Variants in DRC11 observed in about 807,000 individuals in gnomAD.
The protein encoded by DRC11 is IQ and AAA domain-containing protein 1.
At chr2:236,442,818 G>A in the DRC11 span, among the ~76,000 whole-genome samples, 1 of 152,142 alleles carries the variant, frequency 6.6e-6, no homozygotes, top group Admixed American at 6.5e-5. Context: ...TTTCTGGAAG[G>A]TTCAAATTTT....
At chr2:236,331,716 G>A in the DRC11 span, 1 of 725,444 alleles carries the variant, frequency 1.4e-6, no homozygotes. The surrounding 1 kb of genome is among the most constrained non-coding windows in gnomAD (Gnocchi z 4.8). Flanking sequence ...GTCTACTCTA[G>A]CTTATTTGTA....
the DRC11 span, among the ~76,000 whole-genome samples, chr2:236,322,749 C>T: frequency 5.3e-5 from 8 of 152,338 alleles, no homozygotes; most frequent in East Asian, 7.7e-4. Flanking sequence ...GTTACTCTAA[C>T]GCCGTCCTGC....
At chr2:236,414,995 CTTT>C in the DRC11 span, among the ~76,000 whole-genome samples, 1 of 152,082 alleles carries the variant, frequency 6.6e-6, no homozygotes, top group South Asian at 2.1e-4. Context: ...GTTCTCATGA[CTTT>C]TTTTGCACTT....
the DRC11 span, among the ~76,000 whole-genome samples, chr2:236,342,234 A>G: frequency 2.6e-5 from 4 of 152,104 alleles, no homozygotes; most frequent in African/African-American, 9.7e-5. This position sits in a 1 kb window ranked among gnomAD's most constrained non-coding sequence, Gnocchi z 5.8. Flanking sequence ...AGCCTCCTGG[A>G]TGTTCTTCTC....
chr2:236,428,325 G>A, the DRC11 span, among the ~76,000 whole-genome samples: 1 of 152,112 alleles, frequency 6.6e-6, no homozygotes, highest in African/African-American at 2.4e-5. Flanking sequence ...ATTGTTGAAA[G>A]TAAGGTACTG....
chr2:236,358,544 T>C, the DRC11 span, among the ~76,000 whole-genome samples: 1 of 144,906 alleles, frequency 6.9e-6, no homozygotes, highest in Non-Finnish European at 1.5e-5. Flanking sequence ...GGCTGTTGCC[T>C]ACCACCCCCG....
the DRC11 span, among the ~76,000 whole-genome samples, chr2:236,400,709 G>A: frequency 6.6e-6 from 1 of 152,162 alleles, no homozygotes; most frequent in Non-Finnish European, 1.5e-5. This position sits in a 1 kb window ranked among gnomAD's most constrained non-coding sequence, Gnocchi z 7.9. Context: ...TCCAGAGCAC[G>A]CCCTGACTCT....
the DRC11 span, chr2:236,488,264 T>C: frequency 8.9e-7 from 1 of 1,125,106 alleles, no homozygotes; most frequent in Non-Finnish European, 1.2e-6. Flanking sequence ...ACACATCACA[T>C]GCTTACTTCA....
the DRC11 span, among the ~76,000 whole-genome samples, chr2:236,346,350 G>A: frequency 6.6e-6 from 1 of 152,214 alleles, no homozygotes. Context: ...CATCTCATCT[G>A]AACCCTATGA....
the DRC11 span, among the ~76,000 whole-genome samples, chr2:236,439,575 C>T: frequency 2.0e-5 from 3 of 152,068 alleles, no homozygotes; most frequent in Admixed American, 2.0e-4. Context: ...TAATTCTGTA[C>T]AATCCTGTAT....
At chr2:236,450,172 G>A in the DRC11 span, among the ~76,000 whole-genome samples, 1 of 152,028 alleles carries the variant, frequency 6.6e-6, no homozygotes, top group Non-Finnish European at 1.5e-5. Context: ...TAGTTTTAGA[G>A]TTTGATTATT....
chr2:236,504,868 A>G, the DRC11 span, among the ~76,000 whole-genome samples: 3 of 152,124 alleles, frequency 2.0e-5, no homozygotes, highest in Admixed American at 6.5e-5. The surrounding 1 kb of genome is among the most constrained non-coding windows in gnomAD (Gnocchi z 5.0). Context: ...GTTTGACTTC[A>G]CCTGCTGTCA....
the DRC11 span, chr2:236,367,883 G>C: frequency 5.4e-6 from 2 of 369,232 alleles, no homozygotes; most frequent in South Asian, 4.6e-5. This position sits in a 1 kb window ranked among gnomAD's most constrained non-coding sequence, Gnocchi z 4.8. Context: ...GCCCTAGCCC[G>C]TTCTCTAATT....
the DRC11 span, among the ~76,000 whole-genome samples, chr2:236,466,554 C>A: frequency 6.6e-6 from 1 of 152,022 alleles, no homozygotes; most frequent in Admixed American, 6.6e-5. Flanking sequence ...TGGCTTCTGG[C>A]GAGGCCTCAG....
chr2:236,378,875 C>A, the DRC11 span, among the ~76,000 whole-genome samples: 1 of 152,128 alleles, frequency 6.6e-6, no homozygotes, highest in East Asian at 1.9e-4. Flanking sequence ...GCTGCTTCTT[C>A]GGCAGCAGTC....
chr2:236,466,623 A>G, the DRC11 span, among the ~76,000 whole-genome samples: 3 of 152,204 alleles, frequency 2.0e-5, no homozygotes, highest in African/African-American at 2.4e-5. Flanking sequence ...GGTGAAAGGG[A>G]GCAAGAGATA....
the DRC11 span, among the ~76,000 whole-genome samples, chr2:236,348,627 T>C: frequency 6.6e-6 from 1 of 152,122 alleles, no homozygotes; most frequent in Non-Finnish European, 1.5e-5. The surrounding 1 kb of genome is among the most constrained non-coding windows in gnomAD (Gnocchi z 7.4). Flanking sequence ...CTCACTGGGA[T>C]CACTAGGGGA....
At chr2:236,331,724 G>C in the DRC11 span, 1 of 703,580 alleles carries the variant, frequency 1.4e-6, no homozygotes, top group South Asian at 1.9e-5. This position sits in a 1 kb window ranked among gnomAD's most constrained non-coding sequence, Gnocchi z 4.8. Context: ...TAGCTTATTT[G>C]TAACTCAAAT....
chr2:236,492,468 C>G, the DRC11 span, among the ~76,000 whole-genome samples: 1 of 152,228 alleles, frequency 6.6e-6, no homozygotes, highest in Non-Finnish European at 1.5e-5. Flanking sequence ...TTCCTTAACA[C>G]CATCACCCAG....
Sources: gnomAD v4.1 joint callset for allele counts (sites outside exome capture counted in the v4.1 genomes callset) on GRCh38, gnomAD v4.1.1 for gene constraint, Gnocchi (gnomAD v3.1) non-coding constraint, MANE v1.5 for transcripts, NCBI Gene and HGNC (gene_info 2026-07-23, HGNC 2026-07-21) for gene names.